Variants in PROM1 observed in about 807,000 individuals in gnomAD.
The protein encoded by PROM1 is prominin 1.
In PROM1, 105 loss-of-function variants were observed where a neutral mutation model predicts 116.9. The ratio of observed to expected loss-of-function variants is 0.90; its 90% CI spans 0.77 to 1.06. PROM1 has a LOEUF of 1.06. PROM1 is among the 50% of genes least tolerant of loss of function. The pLI is 0.00. For synonymous variants in PROM1, 393 were observed against 387.0 expected (o/e 1.02, Z -0.18); for missense variants, 1,122 against 1,045.2 (o/e 1.07, Z -1.01).
intron 26 of PROM1, among the ~76,000 whole-genome samples, chr4:15,976,719 C>G (rs1014555746): frequency 1.3e-5 from 2 of 152,238 alleles, no homozygotes; most frequent in African/African-American, 4.8e-5. Flanking sequence ...CTGACACCTC[C>G]CTTTCAATTG....
intron 5 of PROM1, 70 bp from the exon 6 acceptor site, chr4:16,025,382 C>A: frequency 6.3e-7 from 1 of 1,580,548 alleles, no homozygotes; most frequent in Non-Finnish European, 8.6e-7. Flanking sequence ...CAGGTCCAGG[C>A]AGCAGAGCAG....
At chr4:16,050,291 A>G (rs925043792) in intron 2 of PROM1, among the ~76,000 whole-genome samples, 2 of 151,750 alleles carry the variant, frequency 1.3e-5, no homozygotes, top group African/African-American at 2.4e-5. Context: ...CACACACACA[A>G]AAACTGATGT....
intron 18 of PROM1, 85 bp downstream of exon 18, chr4:15,991,137 A>T: frequency 9.1e-7 from 1 of 1,097,602 alleles, no homozygotes; most frequent in Non-Finnish European, 1.3e-6. Flanking sequence ...AGTGTGAGGA[A>T]CCTCTCCAGC....
intron 12 of PROM1, among the ~76,000 whole-genome samples, chr4:16,007,922 C>T (rs1340579618): frequency 6.6e-6 from 1 of 152,156 alleles, no homozygotes; most frequent in East Asian, 1.9e-4. Flanking sequence ...GATGGAGCTT[C>T]AAAACCTACC....
chr4:15,994,767 T>C (rs545370620), intron 15 of PROM1, among the ~76,000 whole-genome samples: 1 of 152,332 alleles, frequency 6.6e-6, no homozygotes, highest in South Asian at 2.1e-4. Flanking sequence ...TCCAGGAATG[T>C]GGCATCTCTT....
At chr4:16,041,571 G>A (rs564777739) in intron 2 of PROM1, among the ~76,000 whole-genome samples, 18 of 151,946 alleles carry the variant, frequency 1.2e-4, no homozygotes, top group Non-Finnish European at 2.2e-4. Flanking sequence ...GAGCCCAGGA[G>A]TTTGAGACCA....
intron 8 of PROM1, 41 bp from the exon 9 acceptor site, chr4:16,018,581 C>A (rs1431587989): frequency 6.5e-7 from 1 of 1,533,414 alleles, no homozygotes; most frequent in Non-Finnish European, 8.9e-7. Context: ...CATGCCAAGT[C>A]CCTCCTCATC....
At chr4:16,017,651 T>C (rs1728741605) in intron 9 of PROM1, among the ~76,000 whole-genome samples, 1 of 152,180 alleles carries the variant, frequency 6.6e-6, no homozygotes, top group African/African-American at 2.4e-5. Context: ...CGTAACCCTG[T>C]CTCTACTAAA....
In PROM1 at chr4:16,041,767, TAAATAAATAAATAAATAA is replaced by T. The variant is rs139056999; in HGVS notation, c.221-2784_221-2767del. 1.1e-3 allele frequency among the ~76,000 whole-genome samples: 122 copies of T among 114,126 alleles called. 1 individual carries two copies. Among genetic ancestry groups the T allele is most frequent in the South Asian group, 3.8e-3 (14 of 3,698 alleles). 74.9% of individuals were successfully genotyped at this position (114,126 alleles called of 152,430 possible). On this transcript the variant is annotated intron_variant, in intron 2 of 27. Transcript: ENST00000447510. Reference sequence around the variant, plus strand: ...TGCCTCAAATAAATAAATAAATAAATAAATAAATAAATAAATAAATATATATATATATATATATATGAA... The same window carrying T: ...TGCCTCAAATAAATAAATAAATAAATATATATATATATATATATATATGAA...
intron 2 of PROM1, among the ~76,000 whole-genome samples, chr4:16,051,106 G>A (rs563097472): frequency 6.6e-5 from 10 of 152,314 alleles, no homozygotes; most frequent in East Asian, 3.9e-4. Flanking sequence ...TGTGAGCTGC[G>A]TCTTAAAAGA....
chr4:15,980,610 T>C, intron 23 of PROM1, 73 bp from the exon 24 acceptor site: 1 of 66,178 alleles, frequency 1.5e-5, no homozygotes, highest in South Asian at 1.8e-4. Flanking sequence ...TGGGGGATTT[T>C]TTTTTTTTTT....
At chr4:15,984,381 C>CT in intron 22 of PROM1, 26 bp from the exon 23 acceptor site, 1 of 1,479,860 alleles carries the variant, frequency 6.8e-7, no homozygotes, top group South Asian at 1.3e-5. Context: ...CACAGGGAAA[C>CT]TTTGAGCTGC....
chr4:15,981,047 C>T (rs540246135), intron 23 of PROM1, among the ~76,000 whole-genome samples: 344 of 151,392 alleles, frequency 2.3e-3, no homozygotes, highest in African/African-American at 7.6e-3. Flanking sequence ...CTGCAAGCTC[C>T]GCCTCCTGGG....
intron 8 of PROM1, 57 bp downstream of exon 8, chr4:16,023,269 C>T (rs1730367154): frequency 3.5e-6 from 5 of 1,431,372 alleles, no homozygotes; most frequent in East Asian, 2.4e-5. Context: ...AGCAAGCCTG[C>T]CAAGCCCAGG....
intron 3 of PROM1, among the ~76,000 whole-genome samples, chr4:16,037,281 G>A (rs1000644894): frequency 6.6e-6 from 1 of 152,158 alleles, no homozygotes; most frequent in East Asian, 1.9e-4. Context: ...ACAGGCCGAC[G>A]TGACAATCAC....
At chr4:16,008,534 C>T (rs1389134787) in intron 12 of PROM1, among the ~76,000 whole-genome samples, 2 of 152,158 alleles carry the variant, frequency 1.3e-5, no homozygotes, top group Admixed American at 6.5e-5. Flanking sequence ...CCCAGATGTC[C>T]TTCTTAATTA....
At chr4:16,011,142 A>G (rs1263086097) in intron 11 of PROM1, among the ~76,000 whole-genome samples, 1 of 152,014 alleles carries the variant, frequency 6.6e-6, no homozygotes, top group East Asian at 1.9e-4. Context: ...CTGCTCTGAC[A>G]ACTCTCTATG....
chr4:15,972,074 A>G (rs1714698444), intron 26 of PROM1: 1 of 152,180 alleles, frequency 6.6e-6, no homozygotes, highest in Non-Finnish European at 1.5e-5. Context: ...AAGAACATCT[A>G]CATTTGCCTT....
At chr4:16,050,742 T>G (rs1254621749) in intron 2 of PROM1, among the ~76,000 whole-genome samples, 5 of 152,344 alleles carry the variant, frequency 3.3e-5, no homozygotes, top group African/African-American at 1.2e-4. Context: ...GAAGTTAATA[T>G]AAGTTTATTC....
Sources: gnomAD v4.1 joint callset for allele counts (sites outside exome capture counted in the v4.1 genomes callset) on GRCh38, gnomAD v4.1.1 for gene constraint, MANE v1.5 for transcripts, NCBI Gene and HGNC (gene_info 2026-07-23, HGNC 2026-07-21) for gene names.